Variants in ARFGAP3 observed in about 807,000 individuals in gnomAD.
The protein encoded by ARFGAP3 is ADP-ribosylation factor GTPase-activating protein 3.
A neutral mutation model predicts 75.0 loss-of-function variants in ARFGAP3; 72 were observed. The observed-to-expected ratio is 0.96, with a 90% CI of 0.79 to 1.17. The LOEUF (loss-of-function observed/expected upper bound fraction) is 1.17. ARFGAP3 is among the 50% of genes most tolerant of loss of function. The probability of loss-of-function intolerance (pLI) is 0.00; values close to 1 mark genes in which losing one functional copy is unlikely to be tolerated. For synonymous variants in ARFGAP3, 221 were observed against 217.9 expected (o/e 1.01, Z -0.13); for missense variants, 620 against 626.6 (o/e 0.99, Z 0.11).
At chr22:42,807,435 G>A (rs150079953) in intron 13 of ARFGAP3, among the ~76,000 whole-genome samples, 93 of 152,222 alleles carry the variant, frequency 6.1e-4, no homozygotes, top group Non-Finnish European at 1.1e-3. Context: ...GAGGGAGAGC[G>A]GCATCTCTCT....
intron 1 of ARFGAP3, among the ~76,000 whole-genome samples, chr22:42,854,683 T>C (rs1419444971): frequency 6.6e-6 from 1 of 152,078 alleles, no homozygotes; most frequent in African/African-American, 2.4e-5. Context: ...ACCTTTGATC[T>C]AGAGTAAATC....
At chr22:42,832,162 CA>C (rs78600056) in intron 5 of ARFGAP3, among the ~76,000 whole-genome samples, 3,987 of 75,976 alleles carry the variant, frequency 0.052, 146 homozygotes, top group African/African-American at 0.14. Flanking sequence ...ATTATAATAG[CA>C]AAAAAAAAAA....
At chr22:42,824,759 G>A (rs1167403675) in intron 7 of ARFGAP3, among the ~76,000 whole-genome samples, 4 of 152,124 alleles carry the variant, frequency 2.6e-5, no homozygotes, top group African/African-American at 4.8e-5. Context: ...GCGTGGTGCT[G>A]AGGTTTGGGC....
At chr22:42,839,889 T>C (rs981857427) in intron 3 of ARFGAP3, among the ~76,000 whole-genome samples, 2 of 152,218 alleles carry the variant, frequency 1.3e-5, no homozygotes, top group Admixed American at 1.3e-4. Context: ...ATATCCCCTA[T>C]AAGAGGGGAT....
chr22:42,797,280 A>G lies in ARFGAP3; in HGVS notation c.*308T>C. 1 of 362,036 alleles carries G rather than the reference A, an allele frequency of 2.8e-6. No homozygotes were observed. The allele number at this position is 362,036 out of a possible 1,614,324, so 22.4% of individuals were successfully genotyped here. On this transcript the variant is annotated 3_prime_UTR_variant, in exon 16 of 16. Transcript: ENST00000263245. ...ACATGAAGCCTCCTGGTTCAGGAGCAGGAGGAGCCGAGGTCTCCAGGCCCT... is the reference window on the plus strand; with the variant it reads ...ACATGAAGCCTCCTGGTTCAGGAGCGGGAGGAGCCGAGGTCTCCAGGCCCT...
rs184039855 is a variant in ARFGAP3 at position 42,803,100 on chromosome 22, A to G, written c.1412-3940T>C. Among the ~76,000 whole-genome samples, 1,078 of 152,256 alleles carry G rather than the reference A, an allele frequency of 7.1e-3. 6 individuals are homozygous for G. Among genetic ancestry groups the G allele is most frequent in the Middle Eastern group, 0.014 (4 of 294 alleles). The stretch of plus-strand genomic sequence containing the variant: ...AGCCTCAATCTTTTGGGTTCAAGTG[A>G]TCCTCCTGCCTTAGCCTCCGAGTAA... On this transcript the variant is annotated intron_variant, in intron 14 of 15. Transcript: ENST00000263245.
intron 7 of ARFGAP3, among the ~76,000 whole-genome samples, chr22:42,826,535 A>G (rs1256809613): frequency 6.6e-6 from 1 of 151,938 alleles, no homozygotes; most frequent in Admixed American, 6.6e-5. Flanking sequence ...GTGTGCCACC[A>G]CACTCAGGTA....
intron 11 of ARFGAP3, among the ~76,000 whole-genome samples, chr22:42,815,765 T>C (rs1925550758): frequency 6.6e-6 from 1 of 152,202 alleles, no homozygotes; most frequent in Admixed American, 6.5e-5. Context: ...TTTCATGAAC[T>C]GCTAACCCAA....
At chr22:42,841,874 T>C (rs1300851291) in intron 2 of ARFGAP3, among the ~76,000 whole-genome samples, 1 of 151,392 alleles carries the variant, frequency 6.6e-6, no homozygotes, top group Non-Finnish European at 1.5e-5. Flanking sequence ...TCTTTTTTTT[T>C]TTTTTTTGAG....
chr22:42,857,117 G>C lies in ARFGAP3; in HGVS notation c.66C>G (p.Asn22Lys). ...IFKRLRSVPT[N>K]KVCFDCGAKN... ...CGCACTCGCCCGCGGCCGCTACCTTGTTAGTGGGCACCGAGCGGAGGCGCT... is the reference window on the plus strand; with the variant it reads ...CGCACTCGCCCGCGGCCGCTACCTTCTTAGTGGGCACCGAGCGGAGGCGCT... Residue 22 changes from asparagine (N) to lysine (K), a missense_variant, in exon 1 of 16, where the codon AAC becomes AAG. Coordinates refer to ENST00000263245, the MANE Select transcript of ARFGAP3 (RefSeq NM_014570.5). 1 of 1,513,186 alleles carries C rather than the reference G, an allele frequency of 6.6e-7. No individual in the cohort carries two copies. Among genetic ancestry groups the C allele is most frequent in the Non-Finnish European group, 8.9e-7 (1 of 1,129,224 alleles). The allele number at this position is 1,513,186 out of a possible 1,614,324, so 93.7% of individuals were successfully genotyped here.
At chr22:42,827,133 A>G (rs977533583) in intron 6 of ARFGAP3, 134 bp from the exon 7 acceptor site, 1 of 1,352,094 alleles carries the variant, frequency 7.4e-7, no homozygotes, top group African/African-American at 1.5e-5. Context: ...TTTTAGCTGT[A>G]TATTCTATTT....
At position 42,831,536 on chromosome 22, in the gene ARFGAP3, C is replaced by G. The variant is rs769929518; in HGVS notation, c.565+13G>C. The G allele has an allele frequency of 8.1e-6, 13 of 1,612,062 alleles. No homozygotes were observed. The highest frequency in any genetic ancestry group is 1.7e-4 in the Middle Eastern group (1 of 6,060). Reference sequence around the variant, plus strand: ...CATAGAATAGTATTACATGACAGTTCTAAGGACTCCACCTTCATTATTTTC... The same window carrying G: ...CATAGAATAGTATTACATGACAGTTGTAAGGACTCCACCTTCATTATTTTC... On this transcript the variant is annotated intron_variant, in intron 6 of 15. Transcript: ENST00000263245.
rs1308924550 is a variant in ARFGAP3 at position 42,808,849 on chromosome 22, T to C, written c.1238A>G (p.Asn413Ser). ...RRKPDYEPVE[N>S]TDEAQKKFGN... is the part of the protein sequence containing the mutation. The stretch of plus-strand genomic sequence containing the variant: ...AAACTTCTTCTGGGCCTCATCTGTA[T>C]TTTCAACTGGCTCATAATCTGGCTT... The change falls in exon 13 of 16, where the codon AAT becomes AGT. Residue 413 changes from asparagine (N) to serine (S), a missense_variant. Coordinates refer to ENST00000263245, the MANE Select transcript of ARFGAP3 (RefSeq NM_014570.5). 3 of 1,613,508 alleles carry C rather than the reference T, an allele frequency of 1.9e-6. No homozygotes were observed. In the South Asian group the frequency reaches 3.3e-5, roughly 18 times the overall value.
intron 7 of ARFGAP3, 128 bp from the exon 8 acceptor site, chr22:42,823,830 C>G (rs5751378): frequency 0.45 from 516,148 of 1,158,310 alleles, 119,151 homozygotes; most frequent in Middle Eastern, 0.48. Context: ...ACTTTAGTTT[C>G]TCATCCAGAA....
intron 2 of ARFGAP3, among the ~76,000 whole-genome samples, chr22:42,842,885 T>C (rs1433996772): frequency 6.6e-6 from 1 of 152,140 alleles, no homozygotes; most frequent in Non-Finnish European, 1.5e-5. Flanking sequence ...GAGCCCAGAT[T>C]CTGCCCTGGT....
intron 1 of ARFGAP3, among the ~76,000 whole-genome samples, chr22:42,855,561 C>A (rs1001383612): frequency 6.6e-5 from 10 of 152,100 alleles, no homozygotes; most frequent in Middle Eastern, 3.4e-3. Flanking sequence ...TGGTGGATGC[C>A]TGTAATCCTG....
At position 42,835,509 on chromosome 22, in the gene ARFGAP3, T is replaced by A; in HGVS notation, c.262-16A>T. The A allele has an allele frequency of 1.9e-6, 3 of 1,613,024 alleles. No individual in the cohort carries two copies. Among genetic ancestry groups the A allele is most frequent in the East Asian group, 2.2e-5 (1 of 44,826 alleles). The stretch of plus-strand genomic sequence containing the variant: ...AAAAGGAAGACTACAGAGAAAAGCA[T>A]GCACATTAATATTTTCGTAAAACTA... On this transcript the variant is annotated splice_polypyrimidine_tract_variant and intron_variant, in intron 3 of 15. Coordinates refer to ENST00000263245, the MANE Select transcript of ARFGAP3 (RefSeq NM_014570.5).
Position 42,824,885 on chromosome 22 carries a change from C to T in ARFGAP3, c.626-1183G>A, listed in dbSNP as rs1480013681. Reference sequence around the variant, plus strand: ...AGTCCTCAGTGTCTACTCTTCCCATCTTTATGTTCGTATGAACCCAAGATT... The same window carrying T: ...AGTCCTCAGTGTCTACTCTTCCCATTTTTATGTTCGTATGAACCCAAGATT... On this transcript the variant is annotated intron_variant, in intron 7 of 15. Transcript: ENST00000263245. Among the ~76,000 whole-genome samples the T allele has an allele frequency of 2.6e-5, 4 of 152,136 alleles. No homozygotes were observed. In the East Asian group the frequency reaches 7.7e-4, roughly 29 times the overall value.
chr22:42,817,898 C>G lies in ARFGAP3; in HGVS notation c.813-41G>C, dbSNP rs749814784. ...AATACTCCTTAATTTAGCTTTAATC[C>G]TTTGTTCTTATATTAAAATAGCAAG... is the stretch of plus-strand genomic sequence containing the variant. On this transcript the variant is annotated intron_variant, in intron 9 of 15. Coordinates refer to ENST00000263245, the MANE Select transcript of ARFGAP3 (RefSeq NM_014570.5). The G allele has an allele frequency of 2.7e-6, 4 of 1,472,600 alleles. No individual in the cohort carries two copies. In the South Asian group the frequency reaches 5.6e-5, roughly 21 times the overall value. The allele number at this position is 1,472,600 out of a possible 1,614,324, so 91.2% of individuals were successfully genotyped here.
Sources: gnomAD v4.1 joint callset for allele counts (sites outside exome capture counted in the v4.1 genomes callset) on GRCh38, gnomAD v4.1.1 for gene constraint, MANE v1.5 for transcripts, NCBI Gene and HGNC (gene_info 2026-07-23, HGNC 2026-07-21) for gene names.